The following CAAP1 variants were observed in gnomAD, a reference collection of about 807,000 sequenced individuals.
The protein encoded by CAAP1 is conserved anti-apoptotic protein.
A neutral mutation model predicts 34.0 loss-of-function variants in CAAP1; 20 were observed. That is an observed-to-expected ratio of 0.59 (90% confidence interval 0.41 to 0.86). CAAP1 has a LOEUF of 0.86. Ranked by LOEUF, CAAP1 falls within the 40% of genes least tolerant of loss-of-function variation. The pLI is 0.00. For missense variants in CAAP1, 538 were observed against 450.5 expected (o/e 1.19, Z -1.76); for synonymous variants, 213 against 166.7 (o/e 1.28, Z -2.14).
chr9:26,875,174 C>T (rs1056469443), intron 4 of CAAP1, among the ~76,000 whole-genome samples: 1 of 152,114 alleles, frequency 6.6e-6, no homozygotes, highest in Non-Finnish European at 1.5e-5. Flanking sequence ...CACTCGAGGT[C>T]AGGGGTTCAA....
In CAAP1 at chr9:26,887,502, A is replaced by G. The variant is rs376646611; in HGVS notation, c.315T>C (p.Tyr105=). The G allele has an allele frequency of 5.6e-6, 9 of 1,594,614 alleles. No homozygotes were observed. The highest frequency in any genetic ancestry group is 5.1e-6 in the Non-Finnish European group (6 of 1,172,252). ...ATTCTTTTTCCAAAGTTGGCAAAAT[A>G]TATTTAGTTTCCTAAAGTTAAAAGA... ...VSGSLQQETK[Y]ILPTLEKELF... Residue 105 remains tyrosine, a synonymous_variant, in exon 2 of 6, where the codon TAT becomes TAC. Coordinates refer to ENST00000333916, the MANE Select transcript of CAAP1 (RefSeq NM_024828.4).
In CAAP1 at chr9:26,892,491, G is replaced by A. The variant is rs754997754; in HGVS notation, c.225C>T (p.Gly75=). 11 of 1,566,756 alleles carry A rather than the reference G, an allele frequency of 7.0e-6. No homozygotes were observed. In the African/African-American group the frequency reaches 1.4e-4, roughly 19 times the overall value. ...GCTCGCTGCGCTCCACGCTGCTCCCGCCCCAACAGCTGCCGCCGCTCCCAC... is the reference window on the plus strand; with the variant it reads ...GCTCGCTGCGCTCCACGCTGCTCCCACCCCAACAGCTGCCGCCGCTCCCAC... The part of the protein sequence containing the change: ...TGGGSGGSCW[G]GSSVERSERR... Residue 75 remains glycine, a synonymous_variant, in exon 1 of 6, where the codon GGC becomes GGT. Coordinates refer to ENST00000333916, the MANE Select transcript of CAAP1 (RefSeq NM_024828.4).
At chr9:26,845,857 T>C (rs1822587932) in intron 5 of CAAP1, among the ~76,000 whole-genome samples, 1 of 152,170 alleles carries the variant, frequency 6.6e-6, no homozygotes. Flanking sequence ...TTGTTTATCT[T>C]GGTCCTTCAT....
At chr9:26,890,673 C>T (rs565965156) in intron 1 of CAAP1, among the ~76,000 whole-genome samples, 1 of 151,700 alleles carries the variant, frequency 6.6e-6, no homozygotes, top group African/African-American at 2.4e-5. Flanking sequence ...TGGCCGGGCA[C>T]GGTGGCTCAC....
At chr9:26,858,178 T>C (rs1044491945) in intron 5 of CAAP1, among the ~76,000 whole-genome samples, 4 of 152,240 alleles carry the variant, frequency 2.6e-5, no homozygotes, top group South Asian at 2.1e-4. Context: ...TATTCTGCTT[T>C]TATTGAGCTC....
chr9:26,875,529 T>A (rs1449070820), intron 4 of CAAP1, among the ~76,000 whole-genome samples: 3 of 152,242 alleles, frequency 2.0e-5, no homozygotes, highest in Non-Finnish European at 2.9e-5. Context: ...TCTAGACATA[T>A]TTGAAATTAT....
At chr9:26,891,059 C>A (rs1823893196) in intron 1 of CAAP1, among the ~76,000 whole-genome samples, 1 of 152,176 alleles carries the variant, frequency 6.6e-6, no homozygotes, top group South Asian at 2.1e-4. Flanking sequence ...AAAGACTGTT[C>A]AACATCAACT....
intron 4 of CAAP1, among the ~76,000 whole-genome samples, chr9:26,874,376 C>T (rs956290725): frequency 1.3e-5 from 2 of 151,992 alleles, no homozygotes; most frequent in Non-Finnish European, 2.9e-5. Context: ...GTGCTAGGAA[C>T]ATTCTAAATC....
intron 4 of CAAP1, among the ~76,000 whole-genome samples, chr9:26,877,356 C>T (rs1458700207): frequency 6.6e-6 from 1 of 152,090 alleles, no homozygotes; most frequent in Non-Finnish European, 1.5e-5. Flanking sequence ...GATACTGAAC[C>T]TGTAACATCT....
At chr9:26,876,892 G>A (rs1467725981) in intron 4 of CAAP1, among the ~76,000 whole-genome samples, 1 of 152,140 alleles carries the variant, frequency 6.6e-6, no homozygotes, top group African/African-American at 2.4e-5. Context: ...AGTGGCTCAT[G>A]TCTGTAATCC....
Position 26,892,666 on chromosome 9 carries a change from T to A in CAAP1, c.50A>T (p.Gln17Leu), listed in dbSNP as rs772474772. Residue 17 changes from glutamine (Q) to leucine (L), a missense_variant, in exon 1 of 6, where the codon CAG becomes CTG. This residue lies in a region of CAAP1 where 514 missense variants were observed against 408.4 expected (regional missense o/e 1.26). Transcript: ENST00000333916. Reference protein sequence around the residue: ...SREKRRKRSSQEAAAALAAPD... With the variant: ...SREKRRKRSSLEAAAALAAPD... ...GGCCGCGAGCGCTGCGGCCGCCTCC[T>A]GACTGCTACGTTTGCGCCGTTTCTC... 3 of 1,606,932 alleles carry A rather than the reference T, an allele frequency of 1.9e-6. No individual in the cohort carries two copies. Among genetic ancestry groups the A allele is most frequent in the South Asian group, 1.1e-5 (1 of 90,942 alleles).
chr9:26,875,538 AT>A (rs1027837575), intron 4 of CAAP1, among the ~76,000 whole-genome samples: 24 of 152,192 alleles, frequency 1.6e-4, no homozygotes, highest in Non-Finnish European at 2.9e-4. Flanking sequence ...ATTTGAAATT[AT>A]TTTTCTTCTT....
At chr9:26,889,719 T>C (rs140543868) in intron 1 of CAAP1, among the ~76,000 whole-genome samples, 2 of 151,398 alleles carry the variant, frequency 1.3e-5, no homozygotes, top group East Asian at 3.9e-4. Context: ...TACAAAAGCA[T>C]TAACTGGGCG....
chr9:26,884,107 CTT>C (rs1823666786), intron 4 of CAAP1, among the ~76,000 whole-genome samples: 1 of 152,126 alleles, frequency 6.6e-6, no homozygotes, highest in African/African-American at 2.4e-5. Flanking sequence ...GCACAAATCT[CTT>C]ATATTCTTCA....
intron 4 of CAAP1, among the ~76,000 whole-genome samples, chr9:26,877,608 T>C (rs943984041): frequency 4.6e-5 from 7 of 152,188 alleles, no homozygotes; most frequent in Admixed American, 3.9e-4. Flanking sequence ...TACTCCATTA[T>C]CTTATTACAG....
intron 5 of CAAP1, among the ~76,000 whole-genome samples, chr9:26,850,063 C>T (rs776951346): frequency 2.9e-5 from 4 of 140,156 alleles, no homozygotes; most frequent in African/African-American, 9.9e-5. Flanking sequence ...TGGTCTTGAT[C>T]TGTGACCTCG....
At chr9:26,846,415 C>CAAAAAAAAAAAAAAAAAAAAAAAAAAAA (rs761402354) in intron 5 of CAAP1, among the ~76,000 whole-genome samples, 1 of 61,744 alleles carries the variant, frequency 1.6e-5, no homozygotes, top group Non-Finnish European at 3.3e-5. Context: ...GACTCTGTCT[C>CAAAAAAAAAAAAAAAAAAAAAAAAAAAA]AAAAAAAAAA....
At chr9:26,883,342 C>T (rs982089928) in intron 4 of CAAP1, among the ~76,000 whole-genome samples, 12 of 152,188 alleles carry the variant, frequency 7.9e-5, no homozygotes, top group Non-Finnish European at 2.9e-5. Context: ...ACTTGGTTCC[C>T]TCATTCTCTC....
chr9:26,874,438 C>T (rs1823371366), intron 4 of CAAP1, among the ~76,000 whole-genome samples: 1 of 151,960 alleles, frequency 6.6e-6, no homozygotes, highest in Non-Finnish European at 1.5e-5. Flanking sequence ...AACTACAGTA[C>T]CCCTATTGTG....
Sources: allele counts gnomAD v4.1 joint callset (sites outside exome capture counted in the v4.1 genomes callset), GRCh38; gene constraint gnomAD v4.1.1; regional missense constraint gnomAD v4.1.1; transcripts MANE v1.5; gene names NCBI Gene and HGNC (gene_info 2026-07-23, HGNC 2026-07-21).